TENM1: variants seen among roughly 807,000 people sequenced by gnomAD.
TENM1 encodes the protein teneurin-1.
In TENM1, 35 loss-of-function variants were observed where a neutral mutation model predicts 174.8. The observed-to-expected ratio is 0.20, with a 90% CI of 0.15 to 0.27. The LOEUF is 0.27. Among genes scored for constraint, TENM1 ranks in the 10% least tolerant of loss-of-function variants. The pLI, the probability that TENM1 is intolerant of heterozygous loss-of-function variation, is 1.00. For missense variants in TENM1, 1,633 were observed against 2,130.1 expected, an observed-to-expected ratio of 0.77 and a Z score of 4.59; for synonymous variants, 781 against 798.7, an observed-to-expected ratio of 0.98 and a Z score of 0.37.
chrX:124,923,833 A>C (rs2058055888), intron 1 of TENM1, among the ~76,000 whole-genome samples: 2 of 111,888 alleles, frequency 1.8e-5, no homozygotes, highest in Admixed American at 9.5e-5. Flanking sequence ...AAGCTGGAAA[A>C]TGCAAGAAAA....
At chrX:124,410,671 A>T (rs2060522327) in intron 25 of TENM1, among the ~76,000 whole-genome samples, 1 of 112,418 alleles carries the variant, frequency 8.9e-6, no homozygotes, top group Non-Finnish European at 1.9e-5. Context: ...CAACAAATTT[A>T]CAAGAAAAAA....
the TENM1 span, among the ~76,000 whole-genome samples, chrX:125,166,947 T>C: frequency 8.9e-6 from 1 of 111,812 alleles, no homozygotes; most frequent in Admixed American, 9.5e-5. Flanking sequence ...GGAGCAGCTT[T>C]AGGTGACCAA....
At chrX:124,967,724 G>A (rs750718090), upstream of TENM1, among the ~76,000 whole-genome samples, 6 of 111,618 alleles carry the variant, frequency 5.4e-5, no homozygotes, top group East Asian at 1.1e-3. Context: ...TTGCTAGGTC[G>A]CATTGCAATC....
At chrX:124,514,111 A>G (rs1378416613) in intron 18 of TENM1, among the ~76,000 whole-genome samples, 3 of 109,077 alleles carry the variant, frequency 2.8e-5, no homozygotes, top group African/African-American at 7.0e-5. Context: ...CTAAAAGCCA[A>G]TGAATTGTAC....
chrX:124,597,025 T>C lies in TENM1; in HGVS notation c.2078-31465A>G, dbSNP rs1360914787. 8.1e-5 allele frequency among the ~76,000 whole-genome samples: 9 copies of C among 111,394 alleles called. No individual in the cohort carries two copies. The Admixed American group carries it at 8.6e-4, about 11-fold the overall frequency. On this transcript the variant is annotated intron_variant, in intron 11 of 31. Transcript: ENST00000422452. ...ATAATTTTAAAAATCAAAAATATCA[T>C]AGATATTGGCATAGATGTAGTGAAA... is the stretch of plus-strand genomic sequence containing the variant.
the TENM1 span, among the ~76,000 whole-genome samples, chrX:125,064,764 G>A: frequency 9.1e-5 from 10 of 110,076 alleles, no homozygotes; most frequent in African/African-American, 2.7e-4. Context: ...CCACCACCGC[G>A]CCTGGCTAAA....
At chrX:124,927,686 G>C (rs933751407) in intron 1 of TENM1, among the ~76,000 whole-genome samples, 6 of 111,305 alleles carry the variant, frequency 5.4e-5, no homozygotes, top group African/African-American at 2.0e-4. Context: ...CCAAAGCTTG[G>C]ATCAATCTAG....
the TENM1 span, among the ~76,000 whole-genome samples, chrX:125,121,277 G>A: frequency 9.0e-5 from 10 of 111,198 alleles, no homozygotes; most frequent in South Asian, 7.8e-4. Flanking sequence ...GGTAGGGAAC[G>A]AGGTTGGGAT....
intron 14 of TENM1, among the ~76,000 whole-genome samples, chrX:124,549,084 C>T (rs764046717): frequency 1.8e-5 from 2 of 111,386 alleles, no homozygotes; most frequent in African/African-American, 3.3e-5. Flanking sequence ...TCCCCTTTTC[C>T]CATCATTCAG....
At chrX:124,970,941 G>T in the TENM1 span, among the ~76,000 whole-genome samples, 1 of 110,028 alleles carries the variant, frequency 9.1e-6, no homozygotes, top group Non-Finnish European at 1.9e-5. Flanking sequence ...ATATACCATG[G>T]AATACTATGC....
At chrX:124,579,208 T>C (rs1012853641) in intron 11 of TENM1, among the ~76,000 whole-genome samples, 5 of 111,817 alleles carry the variant, frequency 4.5e-5, no homozygotes, top group Non-Finnish European at 9.4e-5. Context: ...AAATATTTCA[T>C]AGTTCACCAA....
intron 5 of TENM1, among the ~76,000 whole-genome samples, chrX:124,698,096 A>G (rs2052692916): frequency 1.8e-5 from 2 of 111,437 alleles, no homozygotes; most frequent in African/African-American, 6.5e-5. Context: ...GTTTCTTCAT[A>G]GTCTGCTTAG....
the TENM1 span, among the ~76,000 whole-genome samples, chrX:125,200,387 T>C: frequency 9.0e-6 from 1 of 111,052 alleles, no homozygotes; most frequent in Non-Finnish European, 1.9e-5. Flanking sequence ...GTCGTGGGTA[T>C]ATGCTGTTGG....
At chrX:124,804,407 G>A (rs1353011509) in intron 3 of TENM1, among the ~76,000 whole-genome samples, 2 of 111,924 alleles carry the variant, frequency 1.8e-5, no homozygotes, top group Admixed American at 1.9e-4. Flanking sequence ...TAACGGCCCA[G>A]TTCCTGGCTT....
At chrX:124,512,543 A>C (rs926627692) in intron 18 of TENM1, among the ~76,000 whole-genome samples, 9 of 111,194 alleles carry the variant, frequency 8.1e-5, no homozygotes, top group African/African-American at 2.6e-4. Context: ...CACTTGATCA[A>C]TATTGTACTT....
chrX:124,490,129 G>T (rs2047035276), intron 20 of TENM1, among the ~76,000 whole-genome samples: 1 of 111,961 alleles, frequency 8.9e-6, no homozygotes. Context: ...TCTAAAAGAG[G>T]TTCATGTTTT....
At chrX:124,919,756 T>C (rs1339709076) in intron 1 of TENM1, among the ~76,000 whole-genome samples, 1 of 111,701 alleles carries the variant, frequency 9.0e-6, no homozygotes, top group East Asian at 2.8e-4. Context: ...CCTCTAGCTT[T>C]CTACTGTAAG....
intron 1 of TENM1, among the ~76,000 whole-genome samples, chrX:124,915,480 G>T (rs1348837528): frequency 8.9e-6 from 1 of 112,057 alleles, no homozygotes; most frequent in South Asian, 3.8e-4. Flanking sequence ...AGCCGATATC[G>T]CACCACTGCA....
chrX:125,021,139 C>T, the TENM1 span, among the ~76,000 whole-genome samples: 1 of 109,834 alleles, frequency 9.1e-6, no homozygotes, highest in South Asian at 3.8e-4. Context: ...GTTTTATGGT[C>T]TTGTCAAATT....
Sources: allele counts gnomAD v4.1 joint callset (sites outside exome capture counted in the v4.1 genomes callset), GRCh38; gene constraint gnomAD v4.1.1; transcripts MANE v1.5; gene names NCBI Gene and HGNC (gene_info 2026-07-23, HGNC 2026-07-21).